The following COMMD10 variants were observed in gnomAD, a reference collection of about 807,000 sequenced individuals.
The protein encoded by COMMD10 is COMM domain-containing protein 10.
Under a neutral mutation model 28.9 loss-of-function variants are expected in COMMD10, and 33 were observed. The ratio of observed to expected loss-of-function variants is 1.14; its 90% confidence interval spans 0.87 to 1.53. The LOEUF (loss-of-function observed/expected upper bound fraction) is 1.53. COMMD10 is among the 40% of genes most tolerant of loss of function. COMMD10 has a pLI of 0.00. For synonymous variants in COMMD10, 110 were observed against 81.7 expected (o/e 1.35, Z -1.87); for missense variants, 310 against 233.4 (o/e 1.33, Z -2.14).
At chr5:116,287,098 G>A (rs1329854847) in intron 5 of COMMD10, among the ~76,000 whole-genome samples, 1 of 151,702 alleles carries the variant, frequency 6.6e-6, no homozygotes, top group Non-Finnish European at 1.5e-5. Context: ...GCAAAACAAT[G>A]TACAGCAGGC....
intron 5 of COMMD10, among the ~76,000 whole-genome samples, chr5:116,236,375 G>T (rs191453013): frequency 4.5e-4 from 68 of 151,784 alleles, no homozygotes; most frequent in African/African-American, 1.6e-3. Context: ...ATGGTGGCAG[G>T]CACCTGTAAT....
At chr5:116,119,941 TTTATAA>T (rs1751370546) in intron 4 of COMMD10, among the ~76,000 whole-genome samples, 2 of 152,128 alleles carry the variant, frequency 1.3e-5, no homozygotes, top group Non-Finnish European at 2.9e-5. Context: ...AAAATAATGT[TTTATAA>T]TTATAATTTG....
chr5:116,255,546 A>G (rs905337768), intron 5 of COMMD10, among the ~76,000 whole-genome samples: 2 of 151,586 alleles, frequency 1.3e-5, no homozygotes, highest in African/African-American at 2.4e-5. Context: ...TTTCAAGAGA[A>G]GTAGTTGAGT....
At chr5:116,188,863 C>G (rs1748245876) in intron 5 of COMMD10, among the ~76,000 whole-genome samples, 2 of 152,148 alleles carry the variant, frequency 1.3e-5, no homozygotes, top group African/African-American at 4.8e-5. Flanking sequence ...CTTGTGAGTT[C>G]AAGCAGTTCA....
At chr5:116,107,998 G>A (rs1027306119) in intron 4 of COMMD10, among the ~76,000 whole-genome samples, 2 of 152,208 alleles carry the variant, frequency 1.3e-5, no homozygotes, top group Non-Finnish European at 2.9e-5. Flanking sequence ...TATCACCAGT[G>A]CAGGCTGCAG....
At position 116,293,161 on chromosome 5, in the gene COMMD10, A is replaced by C; in HGVS notation, c.*672A>C. On this transcript the variant is annotated 3_prime_UTR_variant, in exon 7 of 7. Coordinates refer to ENST00000274458, the MANE Select transcript of COMMD10 (RefSeq NM_016144.4). ...ATTCACTTTATAGTTTGGGAGACAG[A>C]ATCAGGTCTTGAATAAAATAATTGT... 2.5e-6 allele frequency: 1 copy of C among 392,540 alleles called. No individual in the cohort carries two copies. The highest frequency in any genetic ancestry group is 4.5e-6 in the Non-Finnish European group (1 of 222,194). 24.3% of individuals were successfully genotyped at this position (392,540 alleles called of 1,614,324 possible). A position where few individuals can be genotyped will look rare whatever the true frequency, so the allele number is the denominator to read the frequency against.
intron 5 of COMMD10, among the ~76,000 whole-genome samples, chr5:116,215,309 T>A (rs941864884): frequency 2.0e-5 from 3 of 152,106 alleles, no homozygotes; most frequent in Admixed American, 6.6e-5. Flanking sequence ...AGAAAATACT[T>A]CAAAATATTT....
At chr5:116,229,861 G>A (rs1478086426) in intron 5 of COMMD10, among the ~76,000 whole-genome samples, 1 of 151,706 alleles carries the variant, frequency 6.6e-6, no homozygotes, top group African/African-American at 2.4e-5. Flanking sequence ...AAAACCCCCA[G>A]CAATTTAAAT....
At chr5:116,095,115 A>G (rs79747628) in intron 4 of COMMD10, among the ~76,000 whole-genome samples, 1 of 152,274 alleles carries the variant, frequency 6.6e-6, no homozygotes, top group African/African-American at 2.4e-5. Flanking sequence ...ATAGTTTAGT[A>G]TGGTGCTTAT....
intron 5 of COMMD10, among the ~76,000 whole-genome samples, chr5:116,228,375 A>T (rs570616387): frequency 5.1e-4 from 77 of 151,968 alleles, no homozygotes; most frequent in Admixed American, 5.9e-4. Flanking sequence ...TTTTATTCAC[A>T]TTGTTGATTT....
intron 5 of COMMD10, among the ~76,000 whole-genome samples, chr5:116,239,233 A>G (rs1385282787): frequency 6.6e-6 from 1 of 152,126 alleles, no homozygotes; most frequent in African/African-American, 2.4e-5. Context: ...AACCAGCAAA[A>G]CTCAACAAAA....
At chr5:116,112,606 G>T (rs1464487107) in intron 4 of COMMD10, among the ~76,000 whole-genome samples, 2 of 152,134 alleles carry the variant, frequency 1.3e-5, no homozygotes, top group African/African-American at 2.4e-5. Context: ...CATGTTGACA[G>T]AATGTTCTCT....
At chr5:116,090,261 CTTTG>C (rs1420088879) in intron 2 of COMMD10, among the ~76,000 whole-genome samples, 1 of 152,038 alleles carries the variant, frequency 6.6e-6, no homozygotes, top group East Asian at 1.9e-4. Context: ...GATTTTGTTT[CTTTG>C]TTTGTTACAA....
chr5:116,241,450 C>A (rs1749803716), intron 5 of COMMD10, among the ~76,000 whole-genome samples: 1 of 152,090 alleles, frequency 6.6e-6, no homozygotes, highest in African/African-American at 2.4e-5. Context: ...TAAAAAACTT[C>A]ACTTACTGAC....
At chr5:116,209,735 C>T (rs250322) in intron 5 of COMMD10, among the ~76,000 whole-genome samples, 3 of 152,064 alleles carry the variant, frequency 2.0e-5, no homozygotes, top group African/African-American at 4.8e-5. Context: ...ACTTTCTCCA[C>T]GCGTCTCTTA....
intron 5 of COMMD10, among the ~76,000 whole-genome samples, chr5:116,261,025 T>C (rs1750428525): frequency 6.6e-6 from 1 of 151,812 alleles, no homozygotes; most frequent in South Asian, 2.1e-4. Context: ...TTTATTTTTC[T>C]CTTTTACTTT....
intron 5 of COMMD10, among the ~76,000 whole-genome samples, chr5:116,165,175 A>G (rs1001920824): frequency 2.0e-5 from 3 of 152,210 alleles, no homozygotes; most frequent in African/African-American, 7.2e-5. Flanking sequence ...TAAAATGAGA[A>G]AAGTCTGAAT....
At chr5:116,122,844 C>T (rs1751489249) in intron 4 of COMMD10, among the ~76,000 whole-genome samples, 1 of 152,164 alleles carries the variant, frequency 6.6e-6, no homozygotes, top group Admixed American at 6.5e-5. Context: ...TGAGACTTTG[C>T]TGAAATTGCT....
At chr5:116,212,039 G>A (rs896947918) in intron 5 of COMMD10, among the ~76,000 whole-genome samples, 3 of 151,986 alleles carry the variant, frequency 2.0e-5, no homozygotes, top group African/African-American at 7.2e-5. Flanking sequence ...ACTTGCCATG[G>A]TGCCCTGTAC....
Sources: gnomAD v4.1 joint callset for allele counts (sites outside exome capture counted in the v4.1 genomes callset) on GRCh38, gnomAD v4.1.1 for gene constraint, MANE v1.5 for transcripts, NCBI Gene and HGNC (gene_info 2026-07-23, HGNC 2026-07-21) for gene names.